FAM107B: variants seen among roughly 807,000 people sequenced by gnomAD.
FAM107B encodes protein FAM107B.
A neutral mutation model predicts 31.5 loss-of-function variants in FAM107B; 21 were observed. The ratio of observed to expected loss-of-function variants is 0.67; its 90% CI spans 0.47 to 0.96. The LOEUF (loss-of-function observed/expected upper bound fraction) is 0.96. Among genes scored for constraint, FAM107B ranks in the 40% least tolerant of loss-of-function variants. The pLI is 0.00. For missense variants in FAM107B, 452 were observed against 377.1 expected (o/e 1.20, Z -1.64); for synonymous variants, 157 against 141.5 (o/e 1.11, Z -0.78).
At chr10:14,681,542 C>G (rs1174751883) in intron 1 of FAM107B, among the ~76,000 whole-genome samples, 1 of 152,166 alleles carries the variant, frequency 6.6e-6, no homozygotes, top group East Asian at 1.9e-4. Context: ...CTGACTGTTC[C>G]ATCTTGGGTC....
At chr10:14,640,227 A>C (rs769464744) in intron 2 of FAM107B, among the ~76,000 whole-genome samples, 5 of 152,206 alleles carry the variant, frequency 3.3e-5, no homozygotes, top group Non-Finnish European at 7.3e-5. Flanking sequence ...CAAGGCCACA[A>C]AGCATATGTG....
chr10:14,562,660 T>G (rs1336899016), intron 2 of FAM107B, among the ~76,000 whole-genome samples: 3 of 152,234 alleles, frequency 2.0e-5, no homozygotes, highest in Admixed American at 2.0e-4. Flanking sequence ...GTCAGCCACA[T>G]TATTAGTTGC....
intron 1 of FAM107B, among the ~76,000 whole-genome samples, chr10:14,726,600 C>T (rs960020032): frequency 2.6e-5 from 4 of 152,172 alleles, no homozygotes; most frequent in African/African-American, 4.8e-5. Context: ...CGTCTAGCCA[C>T]GTGGCAGCTA....
intron 1 of FAM107B, among the ~76,000 whole-genome samples, chr10:14,675,962 A>T (rs1364512943): frequency 1.3e-5 from 2 of 152,186 alleles, no homozygotes; most frequent in Non-Finnish European, 1.5e-5. Context: ...GTTCAAGACC[A>T]GCCTAGGCAA....
intron 1 of FAM107B, among the ~76,000 whole-genome samples, chr10:14,710,971 G>C (rs1486575982): frequency 5.3e-5 from 8 of 150,394 alleles, no homozygotes. Context: ...AGAGTGCAGT[G>C]GCGAGATCTC....
chr10:14,742,967 T>C (rs1385022134), intron 1 of FAM107B, among the ~76,000 whole-genome samples: 4 of 152,176 alleles, frequency 2.6e-5, no homozygotes, highest in Admixed American at 1.3e-4. Context: ...CTGTGTTTCT[T>C]GGTCTTCCTA....
intron 1 of FAM107B, among the ~76,000 whole-genome samples, chr10:14,669,158 A>G (rs1854479441): frequency 6.6e-6 from 1 of 152,076 alleles, no homozygotes; most frequent in South Asian, 2.1e-4. Flanking sequence ...GCCTGAGCCC[A>G]GGAGTTCAAC....
intron 2 of FAM107B, among the ~76,000 whole-genome samples, chr10:14,583,163 A>G (rs1240540171): frequency 6.6e-6 from 1 of 152,136 alleles, no homozygotes; most frequent in East Asian, 1.9e-4. Context: ...TGGGCCCGGC[A>G]GTCTCATTCC....
intron 2 of FAM107B, among the ~76,000 whole-genome samples, chr10:14,601,121 C>G (rs897484400): frequency 6.6e-6 from 1 of 152,200 alleles, no homozygotes; most frequent in Non-Finnish European, 1.5e-5. Flanking sequence ...CAGCAGTAAA[C>G]CCAGTGCCTG....
intron 2 of FAM107B, among the ~76,000 whole-genome samples, chr10:14,638,775 C>T (rs1588675755): frequency 6.6e-6 from 1 of 152,162 alleles, no homozygotes; most frequent in Admixed American, 6.5e-5. Flanking sequence ...AGTTTAGGCT[C>T]TCACTGTCTC....
chr10:14,678,428 G>C (rs1276453271), intron 1 of FAM107B, among the ~76,000 whole-genome samples: 1 of 152,162 alleles, frequency 6.6e-6, no homozygotes, highest in Non-Finnish European at 1.5e-5. Context: ...CTCACTTTAA[G>C]TCACTACACA....
At chr10:14,692,349 G>GTA (rs935494087) in intron 1 of FAM107B, among the ~76,000 whole-genome samples, 2 of 152,078 alleles carry the variant, frequency 1.3e-5, no homozygotes, top group Non-Finnish European at 2.9e-5. Flanking sequence ...CGTAGGAGGG[G>GTA]TACTAAACCC....
intron 1 of FAM107B, among the ~76,000 whole-genome samples, chr10:14,696,381 T>C (rs971318969): frequency 2.0e-5 from 3 of 152,252 alleles, no homozygotes; most frequent in Non-Finnish European, 2.9e-5. Flanking sequence ...TATTCTTGGA[T>C]TCTATTTGCT....
chr10:14,594,041 CACA>C (rs1852102416), intron 2 of FAM107B, among the ~76,000 whole-genome samples: 1 of 152,198 alleles, frequency 6.6e-6, no homozygotes, highest in South Asian at 2.1e-4. Flanking sequence ...TTCTGGTAAA[CACA>C]ACATTTAAAA....
intron 2 of FAM107B, among the ~76,000 whole-genome samples, chr10:14,605,312 G>T (rs1852560961): frequency 6.6e-6 from 1 of 152,114 alleles, no homozygotes; most frequent in Non-Finnish European, 1.5e-5. Flanking sequence ...CAACCCTAAG[G>T]CTCTGAGATT....
At chr10:14,651,734 C>T (rs1853905046) in intron 2 of FAM107B, among the ~76,000 whole-genome samples, 1 of 152,264 alleles carries the variant, frequency 6.6e-6, no homozygotes, top group Middle Eastern at 3.4e-3. Context: ...CTTGCACCCT[C>T]AAGGCTAGGT....
chr10:14,768,308 T>G (rs1244740957), intron 1 of FAM107B, among the ~76,000 whole-genome samples: 1 of 152,230 alleles, frequency 6.6e-6, no homozygotes. Context: ...CTAAAATTTA[T>G]AGAGAATCTC....
intron 2 of FAM107B, chr10:14,654,100 C>G (rs1853974583): frequency 1.2e-5 from 1 of 86,324 alleles, no homozygotes; most frequent in South Asian, 5.1e-4. Flanking sequence ...AAGGCAACTC[C>G]AGTTGATTTT....
chr10:14,561,001 G>T (rs1407927801), intron 2 of FAM107B, among the ~76,000 whole-genome samples: 1 of 152,218 alleles, frequency 6.6e-6, no homozygotes, highest in Non-Finnish European at 1.5e-5. Flanking sequence ...TGTCAACTGG[G>T]TGTCAGGCAC....
Sources: allele counts gnomAD v4.1 joint callset (sites outside exome capture counted in the v4.1 genomes callset), GRCh38; gene constraint gnomAD v4.1.1; transcripts MANE v1.5; gene names NCBI Gene and HGNC (gene_info 2026-07-23, HGNC 2026-07-21).